KCNIP4: variants seen among roughly 807,000 people sequenced by gnomAD.
The protein encoded by KCNIP4 is Kv channel-interacting protein 4.
KCNIP4 carries 12 observed loss-of-function variants against 34.0 expected under a neutral mutation model. That is an observed-to-expected ratio of 0.35 (90% CI 0.23 to 0.57). KCNIP4 has a LOEUF of 0.57. KCNIP4 is among the 20% of genes least tolerant of loss of function. The pLI is 0.83. For missense variants in KCNIP4, 238 were observed against 311.7 expected (o/e 0.76, Z 1.78); for synonymous variants, 124 against 102.2 (o/e 1.21, Z -1.29).
At chr4:21,602,870 G>A (rs1244350282) in intron 1 of KCNIP4, among the ~76,000 whole-genome samples, 1 of 151,918 alleles carries the variant, frequency 6.6e-6, no homozygotes, top group Non-Finnish European at 1.5e-5. Flanking sequence ...AAAGATTCTT[G>A]GAAACCAATC....
At chr4:20,883,551 C>T (rs1261030889) in intron 1 of KCNIP4, among the ~76,000 whole-genome samples, 1 of 152,122 alleles carries the variant, frequency 6.6e-6, no homozygotes, top group Non-Finnish European at 1.5e-5. Flanking sequence ...GTCTCAGACA[C>T]TTGGATGTCA....
rs367965545 is a variant in KCNIP4 at position 21,372,675 on chromosome 4, C to T, written c.62-489966G>A. On this transcript the variant is annotated intron_variant, in intron 1 of 8. Transcript: ENST00000382152. ...CTAACTCTCAAGCATTAAGATATTT[C>T]GTCAAATTGATGTTGAAAGGTATCT... is the stretch of plus-strand genomic sequence containing the variant. Among the ~76,000 whole-genome samples the T allele has an allele frequency of 4.1e-5, 6 of 146,660 alleles. 1 individual carries two copies. Among genetic ancestry groups the T allele is most frequent in the Middle Eastern group, 3.4e-3 (1 of 294 alleles).
intron 1 of KCNIP4, among the ~76,000 whole-genome samples, chr4:21,755,971 C>T (rs1717486192): frequency 6.6e-6 from 1 of 152,150 alleles, no homozygotes; most frequent in East Asian, 1.9e-4. Flanking sequence ...GCTCTATCAC[C>T]TCTGAAACAA....
chr4:20,882,836 C>G (rs1033347735), intron 1 of KCNIP4, 127 bp from the exon 2 acceptor site: 7 of 619,880 alleles, frequency 1.1e-5, no homozygotes, highest in Non-Finnish European at 1.9e-5. Flanking sequence ...CAATCACAGG[C>G]AGTGGGTTGG....
intron 1 of KCNIP4, among the ~76,000 whole-genome samples, chr4:21,061,258 A>G (rs949142992): frequency 3.3e-5 from 5 of 152,272 alleles, no homozygotes; most frequent in South Asian, 2.1e-4. Context: ...AATATATACT[A>G]TAGGGTTTTG....
At chr4:20,894,201 G>T (rs28663546) in intron 1 of KCNIP4, among the ~76,000 whole-genome samples, 64 of 151,984 alleles carry the variant, frequency 4.2e-4, no homozygotes, top group African/African-American at 1.5e-3. Flanking sequence ...ATCAAGCATT[G>T]TAACTTCAAA....
At chr4:20,794,943 G>C (rs901888996) in intron 3 of KCNIP4, among the ~76,000 whole-genome samples, 1 of 152,096 alleles carries the variant, frequency 6.6e-6, no homozygotes, top group African/African-American at 2.4e-5. Flanking sequence ...GACTGGATTT[G>C]GTTAATCTTC....
chr4:20,785,687 TA>T (rs2149397819), intron 3 of KCNIP4, among the ~76,000 whole-genome samples: 1 of 152,280 alleles, frequency 6.6e-6, no homozygotes, highest in South Asian at 2.1e-4. Context: ...TTGGCTTTTT[TA>T]AATAAAGAAA....
chr4:21,071,641 C>G (rs1258884118), intron 1 of KCNIP4, among the ~76,000 whole-genome samples: 1 of 151,714 alleles, frequency 6.6e-6, no homozygotes, highest in Non-Finnish European at 1.5e-5. Flanking sequence ...ATTTTTTTAT[C>G]TTTTGATTTT....
intron 1 of KCNIP4, among the ~76,000 whole-genome samples, chr4:21,452,326 T>C (rs564573958): frequency 2.0e-4 from 30 of 152,104 alleles, no homozygotes; most frequent in Non-Finnish European, 4.0e-4. Context: ...AGAAGGAAGT[T>C]AGAAGCTGCC....
chr4:20,969,536 C>A (rs1560610094), intron 1 of KCNIP4, among the ~76,000 whole-genome samples: 1 of 149,554 alleles, frequency 6.7e-6, no homozygotes, highest in Non-Finnish European at 1.5e-5. Flanking sequence ...TTTTGACATG[C>A]AAATTTGCTG....
intron 1 of KCNIP4, among the ~76,000 whole-genome samples, chr4:21,680,631 T>C (rs1577831052): frequency 6.6e-6 from 1 of 152,234 alleles, no homozygotes; most frequent in East Asian, 1.9e-4. Context: ...AAAATTACTG[T>C]TTGATCCATG....
intron 1 of KCNIP4, among the ~76,000 whole-genome samples, chr4:21,352,913 T>G (rs992254008): frequency 6.6e-6 from 1 of 152,124 alleles, no homozygotes; most frequent in Non-Finnish European, 1.5e-5. Context: ...CCCTCTGGGA[T>G]GAAGCTTCCA....
chr4:21,304,018 G>T, intron 1 of KCNIP4: 1 of 1,028,714 alleles, frequency 9.7e-7, no homozygotes, highest in Non-Finnish European at 1.3e-6. Context: ...GAAAGGGGAG[G>T]AGGAGAGCGT....
chr4:20,879,877 T>A (rs1386837613), intron 2 of KCNIP4, among the ~76,000 whole-genome samples: 1 of 152,178 alleles, frequency 6.6e-6, no homozygotes, highest in Non-Finnish European at 1.5e-5. Context: ...TAGGGGAAAG[T>A]AATTTTAAAA....
intron 1 of KCNIP4, among the ~76,000 whole-genome samples, chr4:21,602,757 C>T (rs1329716427): frequency 2.0e-5 from 3 of 151,962 alleles, no homozygotes; most frequent in Admixed American, 6.6e-5. Context: ...CTGTACTTAC[C>T]TAAATTGATA....
intron 1 of KCNIP4, among the ~76,000 whole-genome samples, chr4:21,864,081 C>T (rs1400032156): frequency 1.3e-5 from 2 of 152,128 alleles, no homozygotes; most frequent in Non-Finnish European, 2.9e-5. Context: ...ACATGACTAG[C>T]ATCAGATTAA....
intron 1 of KCNIP4, among the ~76,000 whole-genome samples, chr4:20,974,579 ATGCTCAGTGCTAAAAGTGT>A (rs1300122220): frequency 1.3e-5 from 2 of 152,130 alleles, no homozygotes; most frequent in African/African-American, 4.8e-5. Context: ...AGGCTGCTTG[ATGCTCAGTGCTAAAAGTGT>A]TGCTCAGATG....
chr4:21,435,139 C>T (rs372578509), intron 1 of KCNIP4, among the ~76,000 whole-genome samples: 72 of 152,202 alleles, frequency 4.7e-4, no homozygotes, highest in African/African-American at 1.7e-3. Flanking sequence ...GGCAGGGACT[C>T]ATGAACAAAG....
Sources: allele counts gnomAD v4.1 joint callset (sites outside exome capture counted in the v4.1 genomes callset), GRCh38; gene constraint gnomAD v4.1.1; transcripts MANE v1.5; gene names NCBI Gene and HGNC (gene_info 2026-07-23, HGNC 2026-07-21).